Variants in UHRF2 observed in about 807,000 individuals in gnomAD.
The protein encoded by UHRF2 is E3 ubiquitin-protein ligase UHRF2.
In UHRF2, 23 loss-of-function variants were observed where a neutral mutation model predicts 96.8. That is an observed-to-expected ratio of 0.24 (90% CI 0.17 to 0.34). The LOEUF is 0.34. Among genes scored for constraint, UHRF2 ranks in the 10% least tolerant of loss-of-function variants. UHRF2 has a pLI of 1.00. For synonymous variants in UHRF2, 385 were observed against 332.6 expected (o/e 1.16, Z -1.72); for missense variants, 685 against 981.5 (o/e 0.70, Z 4.04).
chr9:6,443,902 C>G (rs1182268862), intron 3 of UHRF2, among the ~76,000 whole-genome samples: 1 of 152,312 alleles, frequency 6.6e-6, no homozygotes, highest in African/African-American at 2.4e-5. Context: ...TGGAGCTATT[C>G]TCAGTCTGTG....
intron 13 of UHRF2, 41 bp from the exon 14 acceptor site, chr9:6,500,511 C>G (rs1816229104): frequency 1.3e-6 from 2 of 1,573,830 alleles, no homozygotes; most frequent in Non-Finnish European, 1.7e-6. Context: ...CTGCTTAGAA[C>G]CACTTGTAAG....
chr9:6,469,802 ATATATT>A (rs1823130670), intron 4 of UHRF2, among the ~76,000 whole-genome samples: 1 of 151,102 alleles, frequency 6.6e-6, no homozygotes, highest in African/African-American at 2.4e-5. Context: ...ATGTGTATAT[ATATATT>A]TATATTTGGA....
intron 4 of UHRF2, among the ~76,000 whole-genome samples, chr9:6,464,624 A>G (rs1307064880): frequency 1.3e-5 from 2 of 152,168 alleles, no homozygotes; most frequent in African/African-American, 4.8e-5. Context: ...AACTCAATAC[A>G]TATGAATAAA....
At chr9:6,485,649 C>T (rs934344450) in intron 8 of UHRF2, among the ~76,000 whole-genome samples, 14 of 130,884 alleles carry the variant, frequency 1.1e-4, no homozygotes, top group Middle Eastern at 4.5e-3. Context: ...AGCTTGAATT[C>T]AGTTTCCTTT....
chr9:6,480,673 A>G (rs1434578075), intron 6 of UHRF2, among the ~76,000 whole-genome samples: 1 of 152,238 alleles, frequency 6.6e-6, no homozygotes, highest in Non-Finnish European at 1.5e-5. Context: ...AGTTATAAAG[A>G]TGAGCCCATC....
chr9:6,499,654 T>G, intron 12 of UHRF2, 181 bp from the exon 13 acceptor site: 1 of 417,538 alleles, frequency 2.4e-6, no homozygotes, highest in Non-Finnish European at 4.4e-6. Flanking sequence ...AAATTGGGAT[T>G]TTAATAGTTG....
chr9:6,477,258 C>G (rs1296519623), intron 5 of UHRF2, among the ~76,000 whole-genome samples: 2 of 151,216 alleles, frequency 1.3e-5, no homozygotes, highest in African/African-American at 4.9e-5. Context: ...GGTGTGGTGG[C>G]TCACATCTGT....
At chr9:6,470,544 C>G (rs1308102040) in intron 4 of UHRF2, among the ~76,000 whole-genome samples, 1 of 151,628 alleles carries the variant, frequency 6.6e-6, no homozygotes. Flanking sequence ...GATGGAACAT[C>G]GAAATATGGG....
intron 9 of UHRF2, among the ~76,000 whole-genome samples, chr9:6,493,037 C>G (rs772499598): frequency 6.6e-6 from 1 of 152,214 alleles, no homozygotes. Context: ...GTGGGTCATG[C>G]CTGTAATCCC....
chr9:6,430,773 T>C (rs1212860195), intron 2 of UHRF2, among the ~76,000 whole-genome samples: 1 of 152,142 alleles, frequency 6.6e-6, no homozygotes, highest in African/African-American at 2.4e-5. Context: ...CAATAAAGGC[T>C]CTGGGCCCTA....
rs1463110505 is a variant in UHRF2 at position 6,506,907 on chromosome 9, G to A, written c.*728G>A. Reference sequence around the variant, plus strand: ...CTCTACTAGTCGAACTGCTTTTAGTGTCTCACCAGTGGTTTTACATCTGCA... The same window carrying A: ...CTCTACTAGTCGAACTGCTTTTAGTATCTCACCAGTGGTTTTACATCTGCA... On this transcript the variant is annotated 3_prime_UTR_variant, in exon 16 of 16. Transcript: ENST00000276893. The A allele has an allele frequency of 6.6e-6, 1 of 152,624 alleles. No homozygotes were observed. Among genetic ancestry groups the A allele is most frequent in the Non-Finnish European group, 1.5e-5 (1 of 68,038 alleles). The allele number at this position is 152,624 out of a possible 1,614,324, so 9.5% of individuals were successfully genotyped here.
At chr9:6,502,582 T>C (rs1816357601) in intron 14 of UHRF2, among the ~76,000 whole-genome samples, 1 of 152,216 alleles carries the variant, frequency 6.6e-6, no homozygotes, top group South Asian at 2.1e-4. Flanking sequence ...GTCAGTTTGC[T>C]CTGTTTCATC....
At chr9:6,492,232 C>T (rs1824705786) in intron 9 of UHRF2, 1 of 605,668 alleles carries the variant, frequency 1.7e-6, no homozygotes, top group South Asian at 2.1e-5. Flanking sequence ...ATTTAGCTTA[C>T]ATTTGTCTTA....
intron 4 of UHRF2, among the ~76,000 whole-genome samples, chr9:6,472,366 C>T (rs79866523): frequency 2.0e-5 from 3 of 152,250 alleles, no homozygotes; most frequent in Non-Finnish European, 4.4e-5. Flanking sequence ...AAATAAGGAA[C>T]AGTATAACAT....
intron 1 of UHRF2, chr9:6,415,505 A>G (rs1819548396): frequency 6.6e-6 from 1 of 152,204 alleles, no homozygotes; most frequent in Admixed American, 6.5e-5. Flanking sequence ...AGCTCCACAG[A>G]TGAGGTAGCC....
chr9:6,452,810 T>G (rs1030462764), intron 3 of UHRF2, among the ~76,000 whole-genome samples: 1 of 152,186 alleles, frequency 6.6e-6, no homozygotes, highest in Non-Finnish European at 1.5e-5. Flanking sequence ...CATTTCAGTT[T>G]GGGGTGTAGA....
intron 10 of UHRF2, chr9:6,496,453 C>G (rs1824975436): frequency 6.6e-6 from 1 of 152,184 alleles, no homozygotes; most frequent in African/African-American, 2.4e-5. Flanking sequence ...TGATTTACTA[C>G]TATTAGGTGA....
At chr9:6,424,999 A>C (rs926911982) in intron 2 of UHRF2, among the ~76,000 whole-genome samples, 3 of 152,122 alleles carry the variant, frequency 2.0e-5, no homozygotes, top group African/African-American at 7.2e-5. Flanking sequence ...TAACATTAAC[A>C]CTGATGTGAA....
chr9:6,495,215 T>C (rs1587877611), intron 10 of UHRF2: 1 of 152,156 alleles, frequency 6.6e-6, no homozygotes, highest in East Asian at 1.9e-4. Context: ...TTCACACTTT[T>C]GGACAATCTG....
Sources: gnomAD v4.1 joint callset for allele counts (sites outside exome capture counted in the v4.1 genomes callset) on GRCh38, gnomAD v4.1.1 for gene constraint, MANE v1.5 for transcripts, NCBI Gene and HGNC (gene_info 2026-07-23, HGNC 2026-07-21) for gene names.